Variants in ARHGEF10 observed in about 807,000 individuals in gnomAD.
ARHGEF10 encodes the protein Rho guanine nucleotide exchange factor (GEF) 10.
Under a neutral mutation model 147.4 loss-of-function variants are expected in ARHGEF10, and 140 were observed. That is an observed-to-expected ratio of 0.95 (90% CI 0.83 to 1.09). The LOEUF (loss-of-function observed/expected upper bound fraction) is 1.09, where lower values mean the gene tolerates loss of function less well. Ranked by LOEUF, ARHGEF10 falls within the 50% of genes least tolerant of loss-of-function variation. The probability of loss-of-function intolerance (pLI) is 0.00; values close to 1 mark genes in which losing one functional copy is unlikely to be tolerated. For missense variants in ARHGEF10, 2,222 were observed against 1,752.7 expected (o/e 1.27, Z -4.78); for synonymous variants, 902 against 695.8 (o/e 1.30, Z -4.67).
At chr8:1,887,098 A>C (rs529945772) in intron 11 of ARHGEF10, among the ~76,000 whole-genome samples, 1 of 152,330 alleles carries the variant, frequency 6.6e-6, no homozygotes, top group Non-Finnish European at 1.5e-5. Context: ...GTCCTCTACT[A>C]TCTGGGGCCC....
At chr8:1,839,297 T>A (rs1452128985) in intron 1 of ARHGEF10, among the ~76,000 whole-genome samples, 3 of 144,560 alleles carry the variant, frequency 2.1e-5, no homozygotes, top group South Asian at 2.3e-4. Context: ...GTGTGGGTAC[T>A]GTCCGGTGTG....
At chr8:1,848,013 G>A (rs931746086) in intron 2 of ARHGEF10, among the ~76,000 whole-genome samples, 19 of 152,224 alleles carry the variant, frequency 1.2e-4, no homozygotes, top group African/African-American at 4.6e-4. Context: ...AAGGTGGCCC[G>A]GGAATGGGTG....
chr8:1,914,770 T>A (rs1337816306), intron 18 of ARHGEF10, among the ~76,000 whole-genome samples: 1 of 152,094 alleles, frequency 6.6e-6, no homozygotes, highest in African/African-American at 2.4e-5. Context: ...TCGGCGCTGG[T>A]TTTCCTGTAT....
At position 1,920,480 on chromosome 8, in the gene ARHGEF10, G is replaced by A. The variant is rs1219806085; in HGVS notation, c.2144-2484G>A. ...TGGGACTACAGGCGCGCATCACAAT[G>A]CCTGGCTAATTTTTTTTTTAAACTC... On this transcript the variant is annotated intron_variant, in intron 18 of 28. Transcript: ENST00000349830. Among the ~76,000 whole-genome samples, 5 of 141,272 alleles carry A rather than the reference G, an allele frequency of 3.5e-5. No individual in the cohort carries two copies. The South Asian group carries it at 9.7e-4, about 27-fold the overall frequency. 92.7% of individuals were successfully genotyped at this position (141,272 alleles called of 152,430 possible).
chr8:1,835,825 G>A (rs1368424897), intron 1 of ARHGEF10, among the ~76,000 whole-genome samples: 1 of 152,182 alleles, frequency 6.6e-6, no homozygotes, highest in African/African-American at 2.4e-5. Flanking sequence ...GGCATGAAAC[G>A]GTCCTTCAGC....
chr8:1,928,855 T>C (rs566063225), intron 24 of ARHGEF10, among the ~76,000 whole-genome samples: 2 of 152,338 alleles, frequency 1.3e-5, no homozygotes, highest in East Asian at 3.9e-4. Flanking sequence ...TAGGAAACTC[T>C]TAAAGAGAAG....
At chr8:1,873,476 G>C (rs1563209700) in intron 7 of ARHGEF10, among the ~76,000 whole-genome samples, 23 of 146,020 alleles carry the variant, frequency 1.6e-4, no homozygotes, top group East Asian at 6.3e-4. Flanking sequence ...TGCGTTGAGA[G>C]GCGCCCGCGG....
At position 1,913,545 on chromosome 8, in the gene ARHGEF10, G is replaced by A. The variant is rs149996769; in HGVS notation, c.2143+4075G>A. 6.5e-3 allele frequency among the ~76,000 whole-genome samples: 997 copies of A among 152,302 alleles called. 9 individuals carry two copies. The highest frequency in any genetic ancestry group is 0.022 in the African/African-American group (923 of 41,574). Reference sequence around the variant, plus strand: ...CCTCGCTGTAAGGTCACCTTTTAACGGAACAGGATTGGCCTCTGATGTTTC... The same window carrying A: ...CCTCGCTGTAAGGTCACCTTTTAACAGAACAGGATTGGCCTCTGATGTTTC... On this transcript the variant is annotated intron_variant, in intron 18 of 28. Transcript: ENST00000349830.
intron 1 of ARHGEF10, among the ~76,000 whole-genome samples, chr8:1,828,960 G>A (rs1388242689): frequency 2.0e-5 from 3 of 152,224 alleles, no homozygotes; most frequent in Admixed American, 6.5e-5. Flanking sequence ...TAAGGAACAT[G>A]AGAAAAGTGA....
At position 1,833,051 on chromosome 8, in the gene ARHGEF10, GGC is replaced by G. The variant is rs1448063911; in HGVS notation, c.-48+8939_-48+8940del. Among the ~76,000 whole-genome samples the G allele has an allele frequency of 2.6e-5, 2 of 76,976 alleles. 1 individual carries two copies. The highest frequency in any genetic ancestry group is 5.4e-5 in the Non-Finnish European group (2 of 36,832). The allele number at this position is 76,976 out of a possible 152,430, so 50.5% of individuals were successfully genotyped here. A position where few individuals can be genotyped will look rare whatever the true frequency, so the allele number is the denominator to read the frequency against. The stretch of plus-strand genomic sequence containing the variant: ...ACAGGCAGAGAGAGACAGAGACAGA[GGC>G]AGAGAGAGACAGAGACAGAGGCAGA... On this transcript the variant is annotated intron_variant, in intron 1 of 28. Transcript: ENST00000349830.
At chr8:1,889,127 A>T (rs1809132321) in intron 11 of ARHGEF10, among the ~76,000 whole-genome samples, 1 of 75,296 alleles carries the variant, frequency 1.3e-5, no homozygotes, top group Admixed American at 1.2e-4. Context: ...CTGTGAGGAG[A>T]CACTGTGAGT....
chr8:1,884,139 A>G (rs981195652), intron 10 of ARHGEF10, among the ~76,000 whole-genome samples: 2 of 152,148 alleles, frequency 1.3e-5, no homozygotes, highest in African/African-American at 2.4e-5. Context: ...CATGCCTGTA[A>G]TCCCAGCATT....
chr8:1,825,751 T>G lies in ARHGEF10; in HGVS notation c.-48+1638T>G, dbSNP rs533989276. On this transcript the variant is annotated intron_variant, in intron 1 of 28. Transcript: ENST00000349830. The stretch of plus-strand genomic sequence containing the variant: ...TGATATTGATTCCAGTCACTAACTT[T>G]GGCTGCAAGTAAAAATTCTCATTGA... Among the ~76,000 whole-genome samples, 6 of 152,266 alleles carry G rather than the reference T, an allele frequency of 3.9e-5. No individual in the cohort carries two copies. The South Asian group carries it at 1.2e-3, about 32-fold the overall frequency.
At chr8:1,926,768 G>A (rs1419571739) in intron 23 of ARHGEF10, 1 of 407,282 alleles carries the variant, frequency 2.5e-6, no homozygotes, top group Non-Finnish European at 4.5e-6. Flanking sequence ...CCATTTTGGT[G>A]TCAACATTGC....
At chr8:1,863,210 G>A (rs1434069089) in intron 4 of ARHGEF10, among the ~76,000 whole-genome samples, 1 of 152,248 alleles carries the variant, frequency 6.6e-6, no homozygotes, top group East Asian at 1.9e-4. Context: ...AGGTGGCCCG[G>A]AACACTGAAC....
chr8:1,862,902 C>A (rs1226171414), intron 4 of ARHGEF10, among the ~76,000 whole-genome samples: 1 of 151,644 alleles, frequency 6.6e-6, no homozygotes, highest in Non-Finnish European at 1.5e-5. Flanking sequence ...CCTCAGCCTC[C>A]CAAGTAGCTG....
At chr8:1,852,218 C>T (rs1318208549) in intron 2 of ARHGEF10, among the ~76,000 whole-genome samples, 3 of 151,976 alleles carry the variant, frequency 2.0e-5, no homozygotes, top group Admixed American at 6.6e-5. Context: ...ACCTCTCCAT[C>T]ATCCTGGAGA....
At chr8:1,833,197 G>T (rs1284425894) in intron 1 of ARHGEF10, among the ~76,000 whole-genome samples, 6 of 141,398 alleles carry the variant, frequency 4.2e-5, no homozygotes, top group African/African-American at 1.6e-4. Flanking sequence ...GACAGAAGCA[G>T]AGACAGAGGC....
intron 11 of ARHGEF10, among the ~76,000 whole-genome samples, chr8:1,891,931 A>G (rs1268367079): frequency 6.6e-6 from 1 of 150,466 alleles, no homozygotes; most frequent in Non-Finnish European, 1.5e-5. Flanking sequence ...TCAGGACTTT[A>G]AAAAATATAC....
Sources: allele counts gnomAD v4.1 joint callset (sites outside exome capture counted in the v4.1 genomes callset), GRCh38; gene constraint gnomAD v4.1.1; transcripts MANE v1.5; gene names NCBI Gene and HGNC (gene_info 2026-07-23, HGNC 2026-07-21).